EHBP1: variants seen among roughly 807,000 people sequenced by gnomAD.
EHBP1 encodes EH domain binding protein 1.
In EHBP1, 55 loss-of-function variants were observed where a neutral mutation model predicts 144.0. That is an observed-to-expected ratio of 0.38 (90% confidence interval 0.31 to 0.48). EHBP1 has a LOEUF of 0.48. EHBP1 is among the 20% of genes least tolerant of loss of function. EHBP1 has a pLI of 0.98. For missense variants in EHBP1, 1,200 were observed against 1,364.2 expected (o/e 0.88, Z 1.90); for synonymous variants, 469 against 472.7 (o/e 0.99, Z 0.10).
intron 10 of EHBP1, among the ~76,000 whole-genome samples, chr2:62,935,027 A>G (rs374422737): frequency 6.6e-6 from 1 of 152,094 alleles, no homozygotes; most frequent in East Asian, 1.9e-4. Flanking sequence ...CTTCTAAGCC[A>G]TGAATAAATA....
intron 10 of EHBP1, among the ~76,000 whole-genome samples, chr2:62,903,792 A>T (rs1002742292): frequency 2.4e-4 from 5 of 20,550 alleles, no homozygotes; most frequent in African/African-American, 9.6e-4. Context: ...AAGGAGGAGA[A>T]GGAGAAGGAG....
upstream of EHBP1, among the ~76,000 whole-genome samples, chr2:62,703,901 A>G (rs1399683725): frequency 6.6e-6 from 1 of 152,236 alleles, no homozygotes; most frequent in African/African-American, 2.4e-5. Context: ...ACCACATAAG[A>G]AAGTTTGAGA....
chr2:62,782,865 C>A (rs1349198402), intron 5 of EHBP1, among the ~76,000 whole-genome samples: 1 of 152,170 alleles, frequency 6.6e-6, no homozygotes, highest in Non-Finnish European at 1.5e-5. Flanking sequence ...GCCTTCCCAA[C>A]AGTCCCCCAA....
chr2:62,857,643 C>G (rs2049162473), intron 7 of EHBP1, among the ~76,000 whole-genome samples: 1 of 152,098 alleles, frequency 6.6e-6, no homozygotes, highest in Admixed American at 6.5e-5. Context: ...TCAGGAATTA[C>G]CCCGTAGTAT....
chr2:62,715,807 T>G (rs2035616491), intron 2 of EHBP1, among the ~76,000 whole-genome samples: 2 of 152,340 alleles, frequency 1.3e-5, no homozygotes, highest in South Asian at 2.1e-4. Flanking sequence ...CCAGCCATAC[T>G]ACTTCTGAGC....
At chr2:63,040,247 C>T (rs1413481106) in intron 21 of EHBP1, among the ~76,000 whole-genome samples, 1 of 151,494 alleles carries the variant, frequency 6.6e-6, no homozygotes, top group Non-Finnish European at 1.5e-5. Flanking sequence ...ACACTACACT[C>T]AACACAGAAT....
chr2:62,851,127 G>A (rs1431566556), intron 7 of EHBP1, among the ~76,000 whole-genome samples: 1 of 152,162 alleles, frequency 6.6e-6, no homozygotes, highest in Non-Finnish European at 1.5e-5. Context: ...TCATGGAGTG[G>A]TGATGCTTTG....
At chr2:62,681,340 G>GTATATATATATATATATATAAATA (rs2033513349) in intron 1 of EHBP1, among the ~76,000 whole-genome samples, 1 of 58,554 alleles carries the variant, frequency 1.7e-5, no homozygotes, top group Non-Finnish European at 3.0e-5. Context: ...ATGTGTGTGT[G>GTATATATATATATATATATAAATA]TATATATATA....
At chr2:62,752,198 G>A (rs185419893) in intron 3 of EHBP1, among the ~76,000 whole-genome samples, 30 of 152,244 alleles carry the variant, frequency 2.0e-4, no homozygotes, top group Middle Eastern at 3.4e-3. Flanking sequence ...GTTCTCATTG[G>A]TTTCAAAGAA....
At chr2:62,844,708 G>C (rs910083053) in intron 7 of EHBP1, among the ~76,000 whole-genome samples, 1 of 152,134 alleles carries the variant, frequency 6.6e-6, no homozygotes, top group African/African-American at 2.4e-5. Context: ...AGAAAATCAA[G>C]TTCAACTGAA....
At chr2:62,913,475 G>A (rs1032904786) in intron 10 of EHBP1, among the ~76,000 whole-genome samples, 2 of 152,174 alleles carry the variant, frequency 1.3e-5, no homozygotes, top group Admixed American at 6.5e-5. Context: ...CCCCCAAAAT[G>A]TGGTTAACAC....
At chr2:62,684,779 AG>A (rs2033661852) in intron 1 of EHBP1, among the ~76,000 whole-genome samples, 1 of 152,228 alleles carries the variant, frequency 6.6e-6, no homozygotes, top group Non-Finnish European at 1.5e-5. Flanking sequence ...GAAGAAAGGA[AG>A]GGAAGGAGGG....
In EHBP1 at chr2:62,714,165, C is replaced by T. The variant is rs148041666; in HGVS notation, c.104+6870C>T. On this transcript the variant is annotated intron_variant, in intron 2 of 22. Coordinates refer to ENST00000431489, the MANE Select transcript of EHBP1 (RefSeq NM_001142616.3). ...GGCTGAGGTGGCAGGATCCCATGAACTCAGGAGTTCAGTAGTTCAAGACCA... is the reference window on the plus strand; with the variant it reads ...GGCTGAGGTGGCAGGATCCCATGAATTCAGGAGTTCAGTAGTTCAAGACCA... 3.9e-5 allele frequency among the ~76,000 whole-genome samples: 6 copies of T among 152,188 alleles called. No homozygotes were observed. In the East Asian group the frequency reaches 1.2e-3, roughly 29 times the overall value.
intron 3 of EHBP1, among the ~76,000 whole-genome samples, chr2:62,763,461 G>T (rs1463717634): frequency 1.3e-5 from 2 of 152,150 alleles, no homozygotes; most frequent in African/African-American, 2.4e-5. Context: ...TTTAACATAA[G>T]TAAATTCTTA....
intron 19 of EHBP1, 139 bp downstream of exon 19, chr2:62,996,905 G>C: frequency 8.0e-7 from 1 of 1,252,214 alleles, no homozygotes; most frequent in Non-Finnish European, 1.1e-6. Context: ...GCGATTTGCA[G>C]CCACCTCTCT....
chr2:62,849,934 G>T (rs1193006754), intron 7 of EHBP1, among the ~76,000 whole-genome samples: 2 of 152,152 alleles, frequency 1.3e-5, no homozygotes, highest in Non-Finnish European at 2.9e-5. Context: ...TAATTTATGT[G>T]TTTGTAGTTA....
At chr2:62,898,172 G>A (rs1015352419) in intron 10 of EHBP1, among the ~76,000 whole-genome samples, 3 of 152,076 alleles carry the variant, frequency 2.0e-5, no homozygotes, top group Admixed American at 6.6e-5. Context: ...TCTGATTCGC[G>A]GGAGTGACAT....
intron 5 of EHBP1, among the ~76,000 whole-genome samples, chr2:62,811,304 G>A (rs2044987960): frequency 6.6e-6 from 1 of 152,164 alleles, no homozygotes; most frequent in South Asian, 2.1e-4. Context: ...ATTGCTCCAT[G>A]GACTCCAAAT....
At chr2:62,739,196 A>G (rs2038445627) in intron 2 of EHBP1, among the ~76,000 whole-genome samples, 1 of 152,236 alleles carries the variant, frequency 6.6e-6, no homozygotes, top group African/African-American at 2.4e-5. Context: ...TTTATCTATC[A>G]TACTGTTTTT....
Sources: allele counts gnomAD v4.1 joint callset (sites outside exome capture counted in the v4.1 genomes callset), GRCh38; gene constraint gnomAD v4.1.1; transcripts MANE v1.5; gene names NCBI Gene and HGNC (gene_info 2026-07-23, HGNC 2026-07-21).